The following CACUL1 variants were observed in gnomAD, a reference collection of about 807,000 sequenced individuals.
The protein encoded by CACUL1 is CDK2 associated cullin domain 1.
A neutral mutation model predicts 45.2 loss-of-function variants in CACUL1; 13 were observed. The ratio of observed to expected loss-of-function variants is 0.29; its 90% CI spans 0.19 to 0.46. CACUL1 has a LOEUF of 0.46. CACUL1 is among the 20% of genes least tolerant of loss of function. The pLI, the probability that CACUL1 is intolerant of heterozygous loss-of-function variation, is 1.00. For synonymous variants in CACUL1, 197 were observed against 174.2 expected, an observed-to-expected ratio of 1.13 and a Z score of -1.03; for missense variants, 421 against 471.4, an observed-to-expected ratio of 0.89 and a Z score of 0.99.
intron 2 of CACUL1, among the ~76,000 whole-genome samples, chr10:118,729,667 T>C (rs189284528): frequency 6.6e-6 from 1 of 152,210 alleles, no homozygotes; most frequent in Non-Finnish European, 1.5e-5. Context: ...GGTGAGAATC[T>C]AAGGTCTGAA....
chr10:118,705,686 G>A (rs559410952), intron 4 of CACUL1, among the ~76,000 whole-genome samples: 1 of 152,234 alleles, frequency 6.6e-6, no homozygotes, highest in African/African-American at 2.4e-5. Context: ...ACAATTTCTT[G>A]ATATTCATAT....
intron 1 of CACUL1, among the ~76,000 whole-genome samples, chr10:118,734,322 G>A (rs995937991): frequency 1.3e-5 from 2 of 152,094 alleles, no homozygotes; most frequent in African/African-American, 4.8e-5. Context: ...TATTATACGT[G>A]GCTAAAGAGT....
In CACUL1 at chr10:118,681,675, T is replaced by A. The variant is rs545918524; in HGVS notation, c.*4453A>T. ...ATGCAATATATAGTAGGTTCCCCTATGAATGAAGCTCAAATTAGCATTTCC... is the reference window on the plus strand; with the variant it reads ...ATGCAATATATAGTAGGTTCCCCTAAGAATGAAGCTCAAATTAGCATTTCC... On this transcript the variant is annotated 3_prime_UTR_variant, in exon 9 of 9. Transcript: ENST00000369151. 2 of 152,222 alleles carry A rather than the reference T, an allele frequency of 1.3e-5. No individual in the cohort carries two copies. The highest frequency in any genetic ancestry group is 2.4e-5 in the African/African-American group (1 of 41,450). The allele number at this position is 152,222 out of a possible 1,614,324, so 9.4% of individuals were successfully genotyped here.
intron 3 of CACUL1, among the ~76,000 whole-genome samples, chr10:118,721,690 A>C (rs185980035): frequency 1.5e-4 from 23 of 152,290 alleles, no homozygotes; most frequent in Admixed American, 3.3e-4. Context: ...TCTCTGTGTC[A>C]ACACTGTTTA....
chr10:118,710,507 C>T (rs981539348), intron 3 of CACUL1, among the ~76,000 whole-genome samples: 2 of 152,206 alleles, frequency 1.3e-5, no homozygotes, highest in African/African-American at 4.8e-5. Context: ...AATACTAGCA[C>T]TCCCCAAAAG....
At chr10:118,713,927 G>C (rs572023409) in intron 3 of CACUL1, among the ~76,000 whole-genome samples, 3 of 152,066 alleles carry the variant, frequency 2.0e-5, no homozygotes, top group African/African-American at 4.8e-5. Flanking sequence ...TTATATGCAG[G>C]TTGTATCTGT....
Position 118,680,553 on chromosome 10 carries a change from C to T in CACUL1, c.*5575G>A, listed in dbSNP as rs971841611. On this transcript the variant is annotated 3_prime_UTR_variant, in exon 9 of 9. Transcript: ENST00000369151. ...GTTACAAATAACCTAGGGGATGACA[C>T]TAATTTCATAGCAAGAAAACACAAA... 4 of 152,044 alleles carry T rather than the reference C, an allele frequency of 2.6e-5. No individual in the cohort carries two copies. Among genetic ancestry groups the T allele is most frequent in the African/African-American group, 9.7e-5 (4 of 41,406 alleles). The allele number at this position is 152,044 out of a possible 1,614,324, so 9.4% of individuals were successfully genotyped here.
At chr10:118,709,070 A>G (rs989533860) in intron 3 of CACUL1, among the ~76,000 whole-genome samples, 1 of 152,262 alleles carries the variant, frequency 6.6e-6, no homozygotes, top group African/African-American at 2.4e-5. Context: ...CAGTTAACAC[A>G]TATTTTGTAT....
At chr10:118,750,807 G>A (rs978128406) in intron 1 of CACUL1, among the ~76,000 whole-genome samples, 1 of 152,142 alleles carries the variant, frequency 6.6e-6, no homozygotes, top group African/African-American at 2.4e-5. Context: ...CAACCTAAAG[G>A]TGGAAAAAGA....
At position 118,739,546 on chromosome 10, in the gene CACUL1, CAAGTGTGA is replaced by C. The variant is rs531946593; in HGVS notation, c.368-9144_368-9137del. ...AGAATTCTATACCCAAACTATCAAT[CAAGTGTGA>C]AAGCAGCATTTTTAGATATGCCAAG... On this transcript the variant is annotated intron_variant, in intron 1 of 8. Transcript: ENST00000369151. Among the ~76,000 whole-genome samples the C allele has an allele frequency of 2.3e-3, 347 of 152,288 alleles. 8 individuals carry two copies. Among genetic ancestry groups the C allele is most frequent in the Non-Finnish European group, 1.1e-3 (73 of 68,022 alleles).
At chr10:118,743,366 A>G (rs1337784520) in intron 1 of CACUL1, among the ~76,000 whole-genome samples, 1 of 152,200 alleles carries the variant, frequency 6.6e-6, no homozygotes, top group Non-Finnish European at 1.5e-5. Context: ...AAACACTAAA[A>G]AAGAACATAA....
At chr10:118,726,343 G>A (rs1047480499) in intron 3 of CACUL1, 83 of 1,286,984 alleles carry the variant, frequency 6.4e-5, no homozygotes, top group Non-Finnish European at 8.0e-5. Context: ...CATTAGTACA[G>A]GTCACATTTA....
At chr10:118,729,820 G>A (rs1845682762) in intron 2 of CACUL1, among the ~76,000 whole-genome samples, 1 of 152,176 alleles carries the variant, frequency 6.6e-6, no homozygotes, top group Non-Finnish European at 1.5e-5. Flanking sequence ...TACATCAGCT[G>A]TGTGGAACAA....
chr10:118,726,595 A>T (rs950204315), intron 3 of CACUL1, among the ~76,000 whole-genome samples: 1 of 152,206 alleles, frequency 6.6e-6, no homozygotes, highest in Non-Finnish European at 1.5e-5. Flanking sequence ...CAGGAGTTCC[A>T]GGAAGGCTTT....
chr10:118,707,611 A>C (rs759360235), intron 3 of CACUL1, 24 bp from the exon 4 acceptor site: 9 of 1,160,094 alleles, frequency 7.8e-6, no homozygotes, highest in African/African-American at 7.7e-5. Context: ...CAGAAGTGTG[A>C]TCAATCTGGG....
At chr10:118,700,884 G>C (rs1286406649) in intron 5 of CACUL1, among the ~76,000 whole-genome samples, 1 of 152,182 alleles carries the variant, frequency 6.6e-6, no homozygotes, top group Non-Finnish European at 1.5e-5. Flanking sequence ...ATAAATGACA[G>C]AACCAGACTA....
chr10:118,680,765 CTG>C lies in CACUL1; in HGVS notation c.*5361_*5362del, dbSNP rs1166835437. ...ATGACCATATGTATATTGTTACACACTGTTTTTTAGCACTGGTTGCAGAAGTC... is the reference window on the plus strand; with the variant it reads ...ATGACCATATGTATATTGTTACACACTTTTTTAGCACTGGTTGCAGAAGTC... On this transcript the variant is annotated 3_prime_UTR_variant, in exon 9 of 9. Coordinates refer to ENST00000369151, the MANE Select transcript of CACUL1 (RefSeq NM_153810.5). 6.6e-6 allele frequency: 1 copy of C among 152,230 alleles called. No homozygotes were observed. The highest frequency in any genetic ancestry group is 1.5e-5 in the Non-Finnish European group (1 of 68,046). The allele number at this position is 152,230 out of a possible 1,614,324, so 9.4% of individuals were successfully genotyped here. A position where few individuals can be genotyped will look rare whatever the true frequency, so the allele number is the denominator to read the frequency against.
intron 5 of CACUL1, among the ~76,000 whole-genome samples, chr10:118,696,940 T>C (rs1377056502): frequency 6.6e-6 from 1 of 152,210 alleles, no homozygotes; most frequent in East Asian, 1.9e-4. Context: ...AGTATATACA[T>C]TTGCAAACAA....
Position 118,754,873 on chromosome 10 carries a change from G to C in CACUL1, c.-111C>G. 7.0e-7 allele frequency: 1 copy of C among 1,423,922 alleles called. No individual in the cohort carries two copies. Among genetic ancestry groups the C allele is most frequent in the Non-Finnish European group, 9.4e-7 (1 of 1,065,808 alleles). 88.2% of individuals were successfully genotyped at this position (1,423,922 alleles called of 1,614,324 possible). A position where few individuals can be genotyped will look rare whatever the true frequency, so the allele number is the denominator to read the frequency against. On this transcript the variant is annotated 5_prime_UTR_variant, in exon 1 of 9. Transcript: ENST00000369151. ...GTTACATCGCCGGCGGCAGGAATGG[G>C]CGCAGCGGAGAGGGCTGCGGTGCGC...
Sources: allele counts gnomAD v4.1 joint callset (sites outside exome capture counted in the v4.1 genomes callset), GRCh38; gene constraint gnomAD v4.1.1; transcripts MANE v1.5; gene names NCBI Gene and HGNC (gene_info 2026-07-23, HGNC 2026-07-21).